ASXL3: variants seen among roughly 807,000 people sequenced by gnomAD.
ASXL3 encodes the protein ASXL transcriptional regulator 3.
ASXL3 carries 34 observed loss-of-function variants against 170.6 expected under a neutral mutation model. The ratio of observed to expected loss-of-function variants is 0.20; its 90% CI spans 0.15 to 0.27. The LOEUF is 0.27. Among genes scored for constraint, ASXL3 ranks in the 10% least tolerant of loss-of-function variants. ASXL3 has a pLI of 1.00. For synonymous variants in ASXL3, 1,002 were observed against 989.1 expected (o/e 1.01, Z -0.24); for missense variants, 2,592 against 2,695.3 (o/e 0.96, Z 0.85).
intron 8 of ASXL3, among the ~76,000 whole-genome samples, chr18:33,728,424 T>C (rs1279287314): frequency 5.3e-5 from 8 of 152,160 alleles, no homozygotes; most frequent in Admixed American, 5.2e-4. Flanking sequence ...CTTTCTAAAT[T>C]GAGTTGCCAT....
intron 8 of ASXL3, among the ~76,000 whole-genome samples, chr18:33,688,600 G>C (rs1172567351): frequency 6.6e-6 from 1 of 152,126 alleles, no homozygotes; most frequent in Non-Finnish European, 1.5e-5. Flanking sequence ...ATGGGAAAGA[G>C]ACAGAAAATA....
Position 33,742,874 on chromosome 18 carries a change from T to G in ASXL3, c.3040-14T>G. 1 of 1,573,404 alleles carries G rather than the reference T, an allele frequency of 6.4e-7. No homozygotes were observed. The highest frequency in any genetic ancestry group is 8.6e-7 in the Non-Finnish European group (1 of 1,162,800). On this transcript the variant is annotated splice_polypyrimidine_tract_variant and intron_variant, in intron 11 of 11. Coordinates refer to ENST00000269197, the MANE Select transcript of ASXL3 (RefSeq NM_030632.3). ...ATGAAGCACATTATATTTTTTTTTC[T>G]GTCCTCCTTTTAGATTCAGCTTTCC...
intron 2 of ASXL3, among the ~76,000 whole-genome samples, chr18:33,635,981 T>C (rs537760982): frequency 3.9e-5 from 6 of 152,154 alleles, no homozygotes; most frequent in Non-Finnish European, 7.3e-5. Flanking sequence ...TCCAAACTTG[T>C]TGGAAGTAGT....
intron 4 of ASXL3, among the ~76,000 whole-genome samples, chr18:33,655,189 C>T (rs1028387483): frequency 4.6e-5 from 7 of 151,980 alleles, no homozygotes; most frequent in African/African-American, 1.7e-4. Context: ...CATTTTGTCA[C>T]TCATATATGG....
chr18:33,585,303 G>T (rs2065026129), intron 1 of ASXL3, among the ~76,000 whole-genome samples: 1 of 151,946 alleles, frequency 6.6e-6, no homozygotes, highest in Non-Finnish European at 1.5e-5. Context: ...TTCTGCTTTT[G>T]TCCCTGCACA....
intron 2 of ASXL3, among the ~76,000 whole-genome samples, chr18:33,643,854 C>T (rs899169482): frequency 1.3e-5 from 2 of 151,620 alleles, no homozygotes; most frequent in Admixed American, 6.6e-5. Flanking sequence ...AATTAAATAC[C>T]CATAATTCCT....
chr18:33,685,314 C>A (rs1167433407), intron 8 of ASXL3, among the ~76,000 whole-genome samples: 1 of 152,176 alleles, frequency 6.6e-6, no homozygotes, highest in African/African-American at 2.4e-5. Context: ...TCCTCATTCT[C>A]CTTCACCACC....
chr18:33,744,191 A>G lies in ASXL3; in HGVS notation c.4343A>G (p.Asp1448Gly), dbSNP rs2067724142. Residue 1448 changes from aspartate (D) to glycine (G), a missense_variant, in exon 12 of 12, where the codon GAT (aspartate) becomes GGT (glycine). Physicochemically the swap from Asp to Gly is moderately conservative, Grantham distance 94. Coordinates refer to ENST00000269197, the MANE Select transcript of ASXL3 (RefSeq NM_030632.3). Reference protein sequence around the residue: ...DKNSGPRNRADNSGKPQQPPG... With the variant: ...DKNSGPRNRAGNSGKPQQPPG... Reference sequence around the variant, plus strand: ...AATTCAGGGCCTCGAAACAGGGCAGATAATTCTGGAAAACCTCAGCAACCA... The same window carrying G: ...AATTCAGGGCCTCGAAACAGGGCAGGTAATTCTGGAAAACCTCAGCAACCA... 1 of 1,613,966 alleles carries G rather than the reference A, an allele frequency of 6.2e-7. No homozygotes were observed. The highest frequency in any genetic ancestry group is 8.5e-7 in the Non-Finnish European group (1 of 1,179,900).
intron 8 of ASXL3, among the ~76,000 whole-genome samples, chr18:33,722,945 C>T (rs1310275484): frequency 6.6e-6 from 1 of 152,122 alleles, no homozygotes; most frequent in Non-Finnish European, 1.5e-5. Context: ...TCTGCCTTTG[C>T]TCTGTAAATG....
At chr18:33,663,102 G>C (rs1047888703) in intron 5 of ASXL3, among the ~76,000 whole-genome samples, 10 of 152,150 alleles carry the variant, frequency 6.6e-5, no homozygotes, top group Admixed American at 5.9e-4. Flanking sequence ...TTAGATGCCA[G>C]AGAACAAAAT....
intron 2 of ASXL3, among the ~76,000 whole-genome samples, chr18:33,624,433 T>A (rs1296018004): frequency 2.0e-5 from 3 of 152,038 alleles, no homozygotes; most frequent in Non-Finnish European, 2.9e-5. Flanking sequence ...AGTGCTCAGG[T>A]TTTTTTGTTG....
At chr18:33,624,230 T>G (rs927769604) in intron 2 of ASXL3, among the ~76,000 whole-genome samples, 8 of 152,058 alleles carry the variant, frequency 5.3e-5, no homozygotes, top group Admixed American at 4.6e-4. Flanking sequence ...TGATGTACAC[T>G]CTACCTATAA....
rs555279821 is a variant in ASXL3, at chr18:33,743,097, C to T, written c.3249C>T (p.Val1083=). Residue 1083 remains valine, a synonymous_variant, in exon 12 of 12, where the codon GTC becomes GTT. Coordinates refer to ENST00000269197, the MANE Select transcript of ASXL3 (RefSeq NM_030632.3). The part of the protein sequence containing the change: ...AAAVAAAASI[V]SGAMGSPGEG... The stretch of plus-strand genomic sequence containing the variant: ...CTGTGGCTGCTGCAGCGAGCATTGT[C>T]TCTGGAGCCATGGGAAGTCCAGGAG... The T allele has an allele frequency of 2.5e-6, 4 of 1,613,692 alleles. No individual in the cohort carries two copies. In the African/African-American group the frequency reaches 4.0e-5, roughly 16 times the overall value.
chr18:33,599,050 G>T (rs1056875910), intron 1 of ASXL3, among the ~76,000 whole-genome samples: 1 of 152,062 alleles, frequency 6.6e-6, no homozygotes, highest in African/African-American at 2.4e-5. Context: ...TTTTAAAAAA[G>T]AGAAGAGAAA....
chr18:33,728,079 T>TAACTA (rs1251427921), intron 8 of ASXL3, among the ~76,000 whole-genome samples: 2 of 152,176 alleles, frequency 1.3e-5, no homozygotes, highest in Non-Finnish European at 2.9e-5. Context: ...TTTTAATTAC[T>TAACTA]AACTAATCAT....
intron 8 of ASXL3, among the ~76,000 whole-genome samples, chr18:33,709,503 C>A (rs2145344540): frequency 6.6e-6 from 1 of 152,232 alleles, no homozygotes; most frequent in East Asian, 1.9e-4. Flanking sequence ...CTCACAAATA[C>A]AATGTTGAGC....
At chr18:33,584,475 G>C (rs554501216) in intron 1 of ASXL3, among the ~76,000 whole-genome samples, 1 of 152,034 alleles carries the variant, frequency 6.6e-6, no homozygotes, top group Non-Finnish European at 1.5e-5. Flanking sequence ...TAAGTCTTAC[G>C]ATATGTATTT....
intron 4 of ASXL3, among the ~76,000 whole-genome samples, chr18:33,656,715 T>C (rs940892224): frequency 2.6e-5 from 4 of 152,132 alleles, no homozygotes; most frequent in Non-Finnish European, 5.9e-5. Flanking sequence ...AACTTCCTAC[T>C]GTCTTGCAAA....
At chr18:33,636,869 TA>T (rs1304280858) in intron 2 of ASXL3, among the ~76,000 whole-genome samples, 1 of 152,194 alleles carries the variant, frequency 6.6e-6, no homozygotes, top group Non-Finnish European at 1.5e-5. Flanking sequence ...TCTGAAATCC[TA>T]AAAGGTCCTA....
Sources: gnomAD v4.1 joint callset for allele counts (sites outside exome capture counted in the v4.1 genomes callset) on GRCh38, gnomAD v4.1.1 for gene constraint, MANE v1.5 for transcripts, NCBI Gene and HGNC (gene_info 2026-07-23, HGNC 2026-07-21) for gene names.